Variants in PAPSS1 observed in about 807,000 individuals in gnomAD.
PAPSS1 encodes the protein bifunctional 3'-phosphoadenosine 5'-phosphosulfate synthase 1.
A neutral mutation model predicts 72.0 loss-of-function variants in PAPSS1; 50 were observed. That is an observed-to-expected ratio of 0.69 (90% confidence interval 0.55 to 0.88). PAPSS1 has a LOEUF of 0.88. Among genes scored for constraint, PAPSS1 ranks in the 40% least tolerant of loss-of-function variants. The pLI is 0.00. For synonymous variants in PAPSS1, 261 were observed against 263.6 expected, an observed-to-expected ratio of 0.99 and a Z score of 0.09; for missense variants, 657 against 782.2, an observed-to-expected ratio of 0.84 and a Z score of 1.91.
intron 5 of PAPSS1, among the ~76,000 whole-genome samples, chr4:107,680,285 A>C (rs1727768882): frequency 6.6e-6 from 1 of 152,162 alleles, no homozygotes; most frequent in Admixed American, 6.5e-5. Flanking sequence ...AAACCCACTA[A>C]AATCCAAGGA....
At chr4:107,715,369 C>T (rs1461348633) in intron 1 of PAPSS1, among the ~76,000 whole-genome samples, 1 of 152,082 alleles carries the variant, frequency 6.6e-6, no homozygotes, top group African/African-American at 2.4e-5. Context: ...AAGATCAATT[C>T]TCTGTTAAAC....
intron 3 of PAPSS1, among the ~76,000 whole-genome samples, chr4:107,689,238 GTGAGGCA>G (rs1262964880): frequency 6.6e-6 from 1 of 152,156 alleles, no homozygotes; most frequent in African/African-American, 2.4e-5. Context: ...GTTTCTTAAT[GTGAGGCA>G]TCAGCCCTAT....
intron 1 of PAPSS1, among the ~76,000 whole-genome samples, 185 bp from the exon 2 acceptor site, chr4:107,701,470 A>G (rs947987928): frequency 1.1e-4 from 16 of 152,108 alleles, no homozygotes; most frequent in African/African-American, 3.9e-4. Flanking sequence ...AACTGATTTA[A>G]TCCTCACAGC....
intron 1 of PAPSS1, among the ~76,000 whole-genome samples, chr4:107,714,003 C>A (rs1723571919): frequency 6.6e-6 from 1 of 152,134 alleles, no homozygotes; most frequent in Non-Finnish European, 1.5e-5. Context: ...GACAAGATTT[C>A]TCTCCTTGAT....
Position 107,682,111 on chromosome 4 carries a change from T to C in PAPSS1, c.573A>G (p.Glu191=). The C allele has an allele frequency of 1.2e-6, 2 of 1,600,804 alleles. No homozygotes were observed. The highest frequency in any genetic ancestry group is 1.1e-5 in the South Asian group (1 of 90,496). The stretch of plus-strand genomic sequence containing the variant: ...ACTCAGGGGCCTCTGGCTTTTCATA[T>C]TCAGAATCGATCCCAGTGAAACCTG... ...EIKGFTGIDS[E]YEKPEAPELV... The change falls in exon 5 of 12, where the codon GAA becomes GAG. Residue 191 remains glutamate (E), a synonymous_variant. Transcript: ENST00000265174.
chr4:107,616,805 A>G (rs762066326), intron 11 of PAPSS1, among the ~76,000 whole-genome samples: 1 of 152,238 alleles, frequency 6.6e-6, no homozygotes, highest in Non-Finnish European at 1.5e-5. Flanking sequence ...GTTGATATAA[A>G]TAAGTGAACA....
At chr4:107,670,900 C>CG (rs1206903445) in intron 5 of PAPSS1, among the ~76,000 whole-genome samples, 2 of 151,606 alleles carry the variant, frequency 1.3e-5, no homozygotes, top group African/African-American at 4.8e-5. Context: ...TGTTTTAGAG[C>CG]GAAAAAAAGG....
chr4:107,679,089 T>C (rs889403946), intron 5 of PAPSS1, among the ~76,000 whole-genome samples: 4 of 152,252 alleles, frequency 2.6e-5, no homozygotes, highest in Middle Eastern at 3.4e-3. Context: ...TTAGCTGTTA[T>C]GCAGGGAGGG....
chr4:107,683,977 A>ACACACACAC (rs1553921233), intron 4 of PAPSS1, among the ~76,000 whole-genome samples: 15 of 126,576 alleles, frequency 1.2e-4, no homozygotes, highest in African/African-American at 3.4e-4. Context: ...CACACACACA[A>ACACACACAC]ACACACATTA....
intron 6 of PAPSS1, 107 bp from the exon 7 acceptor site, chr4:107,657,114 G>A: frequency 1.4e-6 from 1 of 732,868 alleles, no homozygotes; most frequent in Non-Finnish European, 2.5e-6. Context: ...AACAAACAGT[G>A]TAAGGATGAG....
chr4:107,710,277 A>C (rs1578438572), intron 1 of PAPSS1, among the ~76,000 whole-genome samples: 2 of 152,106 alleles, frequency 1.3e-5, no homozygotes, highest in African/African-American at 4.8e-5. Flanking sequence ...AACCAAGCTT[A>C]GTGCTTCTTA....
intron 5 of PAPSS1, among the ~76,000 whole-genome samples, chr4:107,661,832 A>G (rs1188056830): frequency 1.3e-5 from 2 of 152,194 alleles, no homozygotes; most frequent in African/African-American, 4.8e-5. Flanking sequence ...AGATATGTCA[A>G]TCAAAGCCAG....
At chr4:107,662,973 A>G (rs2110324686) in intron 5 of PAPSS1, among the ~76,000 whole-genome samples, 1 of 152,328 alleles carries the variant, frequency 6.6e-6, no homozygotes, top group African/African-American at 2.4e-5. Flanking sequence ...AGCTTCTTCG[A>G]TATGTAAAGC....
At chr4:107,711,073 C>T (rs932236654) in intron 1 of PAPSS1, among the ~76,000 whole-genome samples, 10 of 152,240 alleles carry the variant, frequency 6.6e-5, no homozygotes, top group Admixed American at 5.9e-4. Context: ...CAATGCCCAA[C>T]CTCCTTTGTT....
intron 1 of PAPSS1, among the ~76,000 whole-genome samples, chr4:107,711,096 T>G (rs565095794): frequency 4.3e-4 from 66 of 152,374 alleles, no homozygotes; most frequent in Non-Finnish European, 5.0e-4. Flanking sequence ...TAGTCAGTAC[T>G]CATAAAAGCT....
chr4:107,692,778 G>GTATATATATATATATATATA (rs148086345), intron 3 of PAPSS1, among the ~76,000 whole-genome samples: 1 of 147,016 alleles, frequency 6.8e-6, no homozygotes, highest in African/African-American at 2.5e-5. Context: ...AACACGGTGT[G>GTATATATATATATATATATA]TATATATATA....
chr4:107,691,872 G>A (rs770616633), intron 3 of PAPSS1, among the ~76,000 whole-genome samples: 5 of 152,108 alleles, frequency 3.3e-5, no homozygotes, highest in Non-Finnish European at 5.9e-5. Flanking sequence ...AATGAATTGG[G>A]TTTTTAAAAA....
intron 11 of PAPSS1, among the ~76,000 whole-genome samples, chr4:107,619,861 A>T (rs1725912083): frequency 6.6e-6 from 1 of 152,236 alleles, no homozygotes; most frequent in Non-Finnish European, 1.5e-5. Flanking sequence ...AACAAAAGAG[A>T]AGAGGTTAGA....
intron 5 of PAPSS1, among the ~76,000 whole-genome samples, chr4:107,678,785 G>A (rs1253935389): frequency 6.6e-6 from 1 of 152,022 alleles, no homozygotes; most frequent in Non-Finnish European, 1.5e-5. Flanking sequence ...CCTCAGTGGG[G>A]CACAGGCAAA....
Sources: gnomAD v4.1 joint callset for allele counts (sites outside exome capture counted in the v4.1 genomes callset) on GRCh38, gnomAD v4.1.1 for gene constraint, MANE v1.5 for transcripts, NCBI Gene and HGNC (gene_info 2026-07-23, HGNC 2026-07-21) for gene names.